Variants in CMIP observed in about 807,000 individuals in gnomAD.
CMIP encodes the protein C-Maf-inducing protein.
CMIP carries 13 observed loss-of-function variants against 97.3 expected under a neutral mutation model. That is an observed-to-expected ratio of 0.13 (90% CI 0.09 to 0.21). The LOEUF (loss-of-function observed/expected upper bound fraction) is 0.21. CMIP is among the 10% of genes least tolerant of loss of function. The pLI is 1.00. For missense variants in CMIP, 847 were observed against 1,024.9 expected, an observed-to-expected ratio of 0.83 and a Z score of 2.37; for synonymous variants, 538 against 436.3, an observed-to-expected ratio of 1.23 and a Z score of -2.91.
chr16:81,445,130 C>A lies in CMIP; in HGVS notation c.-112C>A, dbSNP rs1176385047. The A allele has an allele frequency of 4.1e-5, 21 of 511,232 alleles. No individual in the cohort carries two copies. In the Admixed American group the frequency reaches 6.8e-4, roughly 17 times the overall value. 31.7% of individuals were successfully genotyped at this position (511,232 alleles called of 1,614,324 possible). On this transcript the variant is annotated 5_prime_UTR_variant, in exon 1 of 21. Transcript: ENST00000537098. ...GGGCGCCCCCAGCCCCACACCCCCC[C>A]ACCTTCCCGGGGGGTGGGGGGGTGC...
At chr16:81,638,622 G>T (rs1193444971) in intron 3 of CMIP, among the ~76,000 whole-genome samples, 6 of 151,810 alleles carry the variant, frequency 4.0e-5, no homozygotes, top group African/African-American at 1.5e-4. Flanking sequence ...CCTTCTCCTT[G>T]GAGAAGAACC....
At chr16:81,639,761 A>G (rs542647943) in intron 3 of CMIP, among the ~76,000 whole-genome samples, 23 of 152,288 alleles carry the variant, frequency 1.5e-4, no homozygotes, top group African/African-American at 5.3e-4. Flanking sequence ...GTCCTGATGC[A>G]TAGGTTCTGC....
intron 1 of CMIP, among the ~76,000 whole-genome samples, chr16:81,567,805 G>C (rs1483265728): frequency 1.3e-5 from 2 of 152,214 alleles, no homozygotes; most frequent in African/African-American, 2.4e-5. Context: ...GAAGCGCAGA[G>C]ATTCTTGTTT....
chr16:81,606,615 A>G (rs954180977), intron 1 of CMIP, among the ~76,000 whole-genome samples: 1 of 152,144 alleles, frequency 6.6e-6, no homozygotes, highest in African/African-American at 2.4e-5. Flanking sequence ...AACACATGCT[A>G]TTGAGCACTT....
intron 1 of CMIP, among the ~76,000 whole-genome samples, chr16:81,522,529 T>C (rs1188513576): frequency 6.6e-6 from 1 of 152,212 alleles, no homozygotes; most frequent in Non-Finnish European, 1.5e-5. Context: ...CTTTTTGAAT[T>C]TTGAAAAGTA....
At chr16:81,471,399 T>C (rs1012873310) in intron 1 of CMIP, among the ~76,000 whole-genome samples, 2 of 142,218 alleles carry the variant, frequency 1.4e-5, no homozygotes, top group Non-Finnish European at 3.2e-5. Context: ...CATATACACG[T>C]ACAAATGCAT....
rs547458495 is a variant in CMIP, at chr16:81,564,218, C to T, written c.301-43349C>T. On this transcript the variant is annotated intron_variant, in intron 1 of 20. Transcript: ENST00000537098. ...CACACAGGCAAGGAAGCTGGGCACC[C>T]GGGGGTGGGGTGCTGAGAATAGACA... is the stretch of plus-strand genomic sequence containing the variant. Among the ~76,000 whole-genome samples, 12 of 152,244 alleles carry T rather than the reference C, an allele frequency of 7.9e-5. No individual in the cohort carries two copies. In the East Asian group the frequency reaches 1.7e-3, roughly 22 times the overall value.
intron 1 of CMIP, among the ~76,000 whole-genome samples, chr16:81,545,168 C>G (rs192785887): frequency 1.4e-3 from 209 of 152,228 alleles, no homozygotes; most frequent in African/African-American, 4.9e-3. Context: ...CTCTCCCAGG[C>G]CTGCCCTCCT....
intron 4 of CMIP, among the ~76,000 whole-genome samples, chr16:81,653,785 G>T (rs1322762226): frequency 6.6e-6 from 1 of 152,190 alleles, no homozygotes; most frequent in Non-Finnish European, 1.5e-5. Flanking sequence ...GCTAATTTTT[G>T]TATTTTTAGT....
At chr16:81,470,845 T>C (rs1412614625) in intron 1 of CMIP, among the ~76,000 whole-genome samples, 4 of 152,262 alleles carry the variant, frequency 2.6e-5, no homozygotes, top group Non-Finnish European at 5.9e-5. Context: ...CCTCATGTGA[T>C]CTCTTCGCTG....
chr16:81,611,700 G>T (rs891392316), intron 2 of CMIP, among the ~76,000 whole-genome samples: 2 of 152,048 alleles, frequency 1.3e-5, no homozygotes, highest in Non-Finnish European at 2.9e-5. Context: ...AGTCCTCTCT[G>T]TGTGTCTCTC....
intron 3 of CMIP, among the ~76,000 whole-genome samples, chr16:81,626,894 G>T (rs1244903341): frequency 2.7e-5 from 4 of 146,796 alleles, no homozygotes; most frequent in African/African-American, 1.0e-4. Context: ...TGTGTGTGTG[G>T]CCTGTGGGGT....
At chr16:81,574,296 C>T (rs1158691155) in intron 1 of CMIP, among the ~76,000 whole-genome samples, 5 of 142,570 alleles carry the variant, frequency 3.5e-5, no homozygotes, top group Non-Finnish European at 6.2e-5. Context: ...CTTGGCCACC[C>T]TGCCACCTCT....
intron 1 of CMIP, among the ~76,000 whole-genome samples, chr16:81,471,583 A>G (rs150190790): frequency 6.6e-6 from 1 of 151,648 alleles, no homozygotes; most frequent in African/African-American, 2.4e-5. Context: ...ACAAATACAC[A>G]CACACACACA....
At chr16:81,445,850 G>A (rs549534324) in intron 1 of CMIP, among the ~76,000 whole-genome samples, 1 of 151,730 alleles carries the variant, frequency 6.6e-6, no homozygotes, top group Admixed American at 6.6e-5. Context: ...GCTGGGACTC[G>A]AGGATGGACC....
At chr16:81,492,198 C>T (rs1000389715) in intron 1 of CMIP, among the ~76,000 whole-genome samples, 9 of 152,208 alleles carry the variant, frequency 5.9e-5, no homozygotes, top group Non-Finnish European at 1.2e-4. Flanking sequence ...CTTGCTTTCC[C>T]GCAGAGTGGA....
intron 1 of CMIP, among the ~76,000 whole-genome samples, chr16:81,572,794 G>A (rs2091117206): frequency 6.6e-6 from 1 of 152,148 alleles, no homozygotes; most frequent in Non-Finnish European, 1.5e-5. Flanking sequence ...AGTGCAGAAT[G>A]ACGGCGGTTC....
intron 9 of CMIP, among the ~76,000 whole-genome samples, chr16:81,677,039 C>T (rs781358665): frequency 6.6e-6 from 1 of 152,222 alleles, no homozygotes; most frequent in Admixed American, 6.5e-5. Flanking sequence ...GTCCAGGTCG[C>T]ATCCTGGAGA....
At chr16:81,606,250 A>C (rs1468670633) in intron 1 of CMIP, among the ~76,000 whole-genome samples, 1 of 152,158 alleles carries the variant, frequency 6.6e-6, no homozygotes, top group African/African-American at 2.4e-5. Flanking sequence ...TGACCTCCTG[A>C]GCCTCAGCTT....
Sources: gnomAD v4.1 joint callset for allele counts (sites outside exome capture counted in the v4.1 genomes callset) on GRCh38, gnomAD v4.1.1 for gene constraint, MANE v1.5 for transcripts, NCBI Gene and HGNC (gene_info 2026-07-23, HGNC 2026-07-21) for gene names.